SPATA17: variants seen among roughly 807,000 people sequenced by gnomAD.
SPATA17 encodes the protein spermatogenesis associated 17, also known as spermatogenesis-associated protein 17.
SPATA17 carries 53 observed loss-of-function variants against 62.2 expected under a neutral mutation model. The ratio of observed to expected loss-of-function variants is 0.85; its 90% CI spans 0.68 to 1.07. SPATA17 has a LOEUF of 1.07. Ranked by LOEUF, SPATA17 falls within the 50% of genes least tolerant of loss-of-function variation. The pLI is 0.00. For synonymous variants in SPATA17, 146 were observed against 146.8 expected (o/e 0.99, Z 0.04); for missense variants, 466 against 425.5 (o/e 1.10, Z -0.84).
intron 5 of SPATA17, among the ~76,000 whole-genome samples, chr1:217,721,636 A>G (rs1383334641): frequency 6.6e-6 from 1 of 152,178 alleles, no homozygotes; most frequent in Non-Finnish European, 1.5e-5. Flanking sequence ...AGCCGTTCTC[A>G]TGATTCAATC....
At chr1:217,674,026 T>A (rs1670890627) in intron 4 of SPATA17, among the ~76,000 whole-genome samples, 2 of 152,104 alleles carry the variant, frequency 1.3e-5, no homozygotes, top group African/African-American at 4.8e-5. Context: ...AATTCTTATA[T>A]TTGCAGGGGG....
At chr1:217,805,072 T>A (rs894559653) in intron 9 of SPATA17, among the ~76,000 whole-genome samples, 1 of 152,176 alleles carries the variant, frequency 6.6e-6, no homozygotes, top group Admixed American at 6.5e-5. Context: ...TGAAGAGATA[T>A]CTGCAGCCCC....
At position 217,862,765 on chromosome 1, in the gene SPATA17, T is replaced by C; in HGVS notation, c.1006-9T>C. On this transcript the variant is annotated splice_polypyrimidine_tract_variant and intron_variant, in intron 9 of 10. Coordinates refer to ENST00000366933, the MANE Select transcript of SPATA17 (RefSeq NM_138796.4). ...TCTCTGTGGTAATCTTTGAACTTTT[T>C]CCTCCTAGGATTTCCAGACTGTATT... 1 of 1,590,962 alleles carries C rather than the reference T, an allele frequency of 6.3e-7. No individual in the cohort carries two copies. Among genetic ancestry groups the C allele is most frequent in the South Asian group, 1.1e-5 (1 of 87,770 alleles).
intron 5 of SPATA17, among the ~76,000 whole-genome samples, chr1:217,709,191 T>C (rs942302831): frequency 9.8e-5 from 15 of 152,312 alleles, no homozygotes; most frequent in African/African-American, 3.6e-4. Flanking sequence ...ATCAGGACTA[T>C]ATAATTGCCA....
At chr1:217,655,237 A>G (rs1670416679) in intron 3 of SPATA17, among the ~76,000 whole-genome samples, 1 of 152,172 alleles carries the variant, frequency 6.6e-6, no homozygotes, top group African/African-American at 2.4e-5. Context: ...TTCACTTTTC[A>G]TAACCCTAAT....
chr1:217,685,006 G>A (rs1020528924), intron 5 of SPATA17, among the ~76,000 whole-genome samples: 2 of 152,054 alleles, frequency 1.3e-5, no homozygotes, highest in African/African-American at 2.4e-5. Context: ...TCAGAAACAC[G>A]TGAATCATAG....
intron 5 of SPATA17, among the ~76,000 whole-genome samples, chr1:217,708,747 C>A (rs957471519): frequency 2.6e-5 from 4 of 151,928 alleles, no homozygotes; most frequent in African/African-American, 9.7e-5. Flanking sequence ...AACTTCAGGC[C>A]GATATCCTTG....
intron 3 of SPATA17, among the ~76,000 whole-genome samples, chr1:217,654,851 T>C (rs1162780324): frequency 1.3e-5 from 2 of 151,908 alleles, no homozygotes; most frequent in African/African-American, 4.8e-5. Context: ...TAGCTGGGAC[T>C]ACAGGCACGT....
chr1:217,668,480 CAA>C (rs1025050992), intron 3 of SPATA17, among the ~76,000 whole-genome samples: 27 of 152,108 alleles, frequency 1.8e-4, no homozygotes, highest in African/African-American at 6.0e-4. Flanking sequence ...TTAAATGAAA[CAA>C]AATTCCCAAG....
intron 3 of SPATA17, among the ~76,000 whole-genome samples, chr1:217,654,837 C>T (rs529850626): frequency 3.3e-5 from 5 of 151,750 alleles, no homozygotes; most frequent in Non-Finnish European, 4.4e-5. Flanking sequence ...CTCAGCCTCC[C>T]GAGTAGCTGG....
intron 9 of SPATA17, among the ~76,000 whole-genome samples, chr1:217,811,319 C>A (rs529236055): frequency 8.5e-5 from 13 of 152,278 alleles, no homozygotes; most frequent in African/African-American, 2.4e-4. Context: ...TGAGCCACCA[C>A]ACCCAGAGAT....
intron 1 of SPATA17, among the ~76,000 whole-genome samples, chr1:217,648,152 C>T (rs1214476032): frequency 1.3e-5 from 2 of 152,160 alleles, no homozygotes; most frequent in Admixed American, 6.6e-5. Flanking sequence ...GATTTTATTG[C>T]ATCATATAGT....
Position 217,774,430 on chromosome 1 carries a change from G to T in SPATA17, c.616G>T (p.Val206Phe), listed in dbSNP as rs748341723. The T allele has an allele frequency of 1.2e-6, 2 of 1,614,094 alleles. No individual in the cohort carries two copies. Among genetic ancestry groups the T allele is most frequent in the Non-Finnish European group, 1.7e-6 (2 of 1,180,002 alleles). ...AKPLTHRRPK[V>F]KQKDSTSLTD... ...GCCTTTAACACACCGAAGACCTAAA[G>T]TTAAGCAGAAGGACTCCACCAGCCT... Residue 206 changes from valine to phenylalanine, a missense_variant, in exon 7 of 11, where the codon GTT becomes TTT. Transcript: ENST00000366933.
At chr1:217,640,861 T>G (rs1342367905) in intron 1 of SPATA17, among the ~76,000 whole-genome samples, 1 of 151,974 alleles carries the variant, frequency 6.6e-6, no homozygotes, top group Non-Finnish European at 1.5e-5. Context: ...TAAAAATACA[T>G]AGAGATACAA....
At chr1:217,849,870 C>T (rs918041613) in intron 9 of SPATA17, among the ~76,000 whole-genome samples, 1 of 152,042 alleles carries the variant, frequency 6.6e-6, no homozygotes, top group African/African-American at 2.4e-5. Flanking sequence ...GATTCTAATG[C>T]CTGACGGTTT....
intron 1 of SPATA17, among the ~76,000 whole-genome samples, chr1:217,645,786 C>G (rs866913676): frequency 3.3e-5 from 5 of 152,164 alleles, no homozygotes; most frequent in Middle Eastern, 6.8e-3. Context: ...TGTTACTGGT[C>G]AGGATAAGAT....
At chr1:217,847,801 G>A (rs142135517) in intron 9 of SPATA17, among the ~76,000 whole-genome samples, 8 of 152,242 alleles carry the variant, frequency 5.3e-5, no homozygotes, top group Admixed American at 4.6e-4. Flanking sequence ...CCCACTGGGA[G>A]GCAGAGGTGA....
intron 8 of SPATA17, among the ~76,000 whole-genome samples, chr1:217,786,744 ATTCTCT>A (rs1673872911): frequency 3.0e-5 from 3 of 99,484 alleles, no homozygotes; most frequent in Non-Finnish European, 7.0e-5. Flanking sequence ...AGGATTTGAT[ATTCTCT>A]TTCTTCTTCT....
At chr1:217,696,414 C>G in intron 5 of SPATA17, among the ~76,000 whole-genome samples, 1 of 152,138 alleles carries the variant, frequency 6.6e-6, no homozygotes, top group East Asian at 1.9e-4. Flanking sequence ...GTGAGATGAA[C>G]CCGGTACCTC....
Sources: gnomAD v4.1 joint callset for allele counts (sites outside exome capture counted in the v4.1 genomes callset) on GRCh38, gnomAD v4.1.1 for gene constraint, MANE v1.5 for transcripts, NCBI Gene and HGNC (gene_info 2026-07-23, HGNC 2026-07-21) for gene names.